The following DOT1L variants were observed in gnomAD, a reference collection of about 807,000 sequenced individuals.
The protein encoded by DOT1L is histone-lysine N-methyltransferase, H3 lysine-79 specific.
Under a neutral mutation model 153.3 loss-of-function variants are expected in DOT1L, and 33 were observed. That is an observed-to-expected ratio of 0.22 (90% CI 0.16 to 0.29). The LOEUF is 0.29. Ranked by LOEUF, DOT1L falls within the 10% of genes least tolerant of loss-of-function variation. The probability of loss-of-function intolerance (pLI) is 1.00; values close to 1 mark genes in which losing one functional copy is unlikely to be tolerated. For missense variants in DOT1L, 1,847 were observed against 2,119.9 expected (o/e 0.87, Z 2.53); for synonymous variants, 1,135 against 965.1 (o/e 1.18, Z -3.26).
At chr19:2,183,818 G>A (rs1329696522) in intron 2 of DOT1L, among the ~76,000 whole-genome samples, 2 of 151,894 alleles carry the variant, frequency 1.3e-5, no homozygotes, top group African/African-American at 2.4e-5. Context: ...GTAGAGACAG[G>A]GTTTCACCAT....
At position 2,220,577 on chromosome 19, in the gene DOT1L, T is replaced by G; in HGVS notation, c.2806+355T>G. On this transcript the variant is annotated intron_variant, in intron 23 of 27. Transcript: ENST00000398665. This position sits in a 1 kb window ranked among gnomAD's most constrained non-coding sequence, Gnocchi z 4.5. ...CGGCTCCACACACAGCAGTGCCCAA[T>G]GGCACACGACCGTGGGCCTCCGTGC... 3.0e-5 allele frequency: 14 copies of G among 462,198 alleles called. No homozygotes were observed. The highest frequency in any genetic ancestry group is 4.8e-5 in the Non-Finnish European group (11 of 230,372). The allele number at this position is 462,198 out of a possible 1,614,324, so 28.6% of individuals were successfully genotyped here. A position where few individuals can be genotyped will look rare whatever the true frequency, so the allele number is the denominator to read the frequency against.
chr19:2,216,868 G>C (rs1320427270), intron 20 of DOT1L, 87 bp from the exon 21 acceptor site: 2 of 1,560,072 alleles, frequency 1.3e-6, no homozygotes, highest in African/African-American at 2.7e-5. Context: ...TTGTTGAGGA[G>C]ACTGAGGTGG....
chr19:2,228,546 A>C lies in DOT1L; in HGVS notation c.4607-1239A>C, dbSNP rs2024467230. The C allele has an allele frequency of 2.2e-5, 22 of 985,386 alleles. No individual in the cohort carries two copies. In the South Asian group the frequency reaches 1.0e-3, roughly 46 times the overall value. 61.0% of individuals were successfully genotyped at this position (985,386 alleles called of 1,614,324 possible). On this transcript the variant is annotated intron_variant, in intron 27 of 27. Transcript: ENST00000398665. ...AGATGGTCGCGAGAGGAGGGACTAC[A>C]GGACGGGCACCAGCCATGGAGTGGC...
intron 1 of DOT1L, among the ~76,000 whole-genome samples, chr19:2,171,086 C>T (rs2021595206): frequency 6.6e-6 from 1 of 152,218 alleles, no homozygotes; most frequent in Admixed American, 6.5e-5. Flanking sequence ...CTTCAGCCTC[C>T]TGAGTAGCTG....
intron 19 of DOT1L, 168 bp downstream of exon 19, chr19:2,214,764 C>A: frequency 1.9e-6 from 2 of 1,047,584 alleles, no homozygotes; most frequent in Non-Finnish European, 2.6e-6. Flanking sequence ...CCGCAGGCTG[C>A]CCGTGTGGAT....
rs2144620004 is a variant in DOT1L, at chr19:2,164,183, A to G, written c.-2A>G. On this transcript the variant is annotated 5_prime_UTR_variant, in exon 1 of 28. Transcript: ENST00000398665. ...CATGGTGCGGCGGCCGCGCGCGCGGACATGGGGGAGAAGCTGGAGCTGAGA... is the reference window on the plus strand; with the variant it reads ...CATGGTGCGGCGGCCGCGCGCGCGGGCATGGGGGAGAAGCTGGAGCTGAGA... 1 of 1,125,866 alleles carries G rather than the reference A, an allele frequency of 8.9e-7. No homozygotes were observed. Among genetic ancestry groups the G allele is most frequent in the Non-Finnish European group, 1.1e-6 (1 of 920,740 alleles). The allele number at this position is 1,125,866 out of a possible 1,614,324, so 69.7% of individuals were successfully genotyped here. A position where few individuals can be genotyped will look rare whatever the true frequency, so the allele number is the denominator to read the frequency against.
Position 2,190,912 on chromosome 19 carries a change from C to G in DOT1L, c.265-100C>G, listed in dbSNP as rs1245663023. 9 of 1,174,162 alleles carry G rather than the reference C, an allele frequency of 7.7e-6. No homozygotes were observed. The highest frequency in any genetic ancestry group is 1.1e-5 in the Non-Finnish European group (9 of 836,606). 72.7% of individuals were successfully genotyped at this position (1,174,162 alleles called of 1,614,324 possible). A position where few individuals can be genotyped will look rare whatever the true frequency, so the allele number is the denominator to read the frequency against. ...TGCAGGGGGACGAGAGGCCATGCAGCCGACTCCCTGCTTCCGCTGGGAAAG... is the reference window on the plus strand; with the variant it reads ...TGCAGGGGGACGAGAGGCCATGCAGGCGACTCCCTGCTTCCGCTGGGAAAG... On this transcript the variant is annotated intron_variant, in intron 4 of 27. Transcript: ENST00000398665. This position sits in a 1 kb window ranked among gnomAD's most constrained non-coding sequence, Gnocchi z 4.8.
chr19:2,198,653 C>T (rs950148241), intron 7 of DOT1L, among the ~76,000 whole-genome samples: 3 of 152,176 alleles, frequency 2.0e-5, no homozygotes, highest in Non-Finnish European at 4.4e-5. Context: ...AAAGGAGTGT[C>T]GCTGGTCCTC....
intron 3 of DOT1L, among the ~76,000 whole-genome samples, chr19:2,188,035 A>G (rs1202483916): frequency 1.3e-5 from 2 of 151,658 alleles, no homozygotes; most frequent in Non-Finnish European, 2.9e-5. Context: ...TCCGGCCCGC[A>G]TGGTGCCTGC....
In DOT1L at chr19:2,208,803, G is replaced by A; in HGVS notation, c.964-132G>A. The A allele has an allele frequency of 2.2e-6, 2 of 908,034 alleles. No homozygotes were observed. Among genetic ancestry groups the A allele is most frequent in the Non-Finnish European group, 3.4e-6 (2 of 583,824 alleles). The allele number at this position is 908,034 out of a possible 1,614,324, so 56.2% of individuals were successfully genotyped here. A position where few individuals can be genotyped will look rare whatever the true frequency, so the allele number is the denominator to read the frequency against. ...TGCCACTGGGGGGCTCTAGCTGCAT[G>A]CCTGCTGTCCCCAGATACCAGAACA... On this transcript the variant is annotated intron_variant, in intron 11 of 27. Coordinates refer to ENST00000398665, the MANE Select transcript of DOT1L (RefSeq NM_032482.3). This position sits in a 1 kb window ranked among gnomAD's most constrained non-coding sequence, Gnocchi z 4.4.
At chr19:2,228,820 G>A (rs952487661) in intron 27 of DOT1L, 2 of 985,320 alleles carry the variant, frequency 2.0e-6, no homozygotes, top group African/African-American at 1.7e-5. Flanking sequence ...CAGGCACGGT[G>A]CCGGCTGCAG....
In DOT1L at chr19:2,229,691, G is replaced by C. The variant is rs1006692053; in HGVS notation, c.4607-94G>C. 8 of 1,606,618 alleles carry C rather than the reference G, an allele frequency of 5.0e-6. No individual in the cohort carries two copies. The African/African-American group carries it at 8.0e-5, about 16-fold the overall frequency. On this transcript the variant is annotated intron_variant, in intron 27 of 27. Transcript: ENST00000398665. ...CTGGCCCCAGGTGGCGTGTGTGCTC[G>C]TGGGAGGCCTCGGTCCCCAGCCTGG...
Position 2,211,111 on chromosome 19 carries a change from C to A in DOT1L, c.1364C>A (p.Ser455Tyr), listed in dbSNP as rs1237314658. Residue 455 changes from serine (S) to tyrosine (Y), a missense_variant, in exon 15 of 28, where the codon TCC becomes TAC. Ser to Tyr is a moderately radical substitution (Grantham distance 144). Coordinates refer to ENST00000398665, the MANE Select transcript of DOT1L (RefSeq NM_032482.3). ...TCCGCTCTCCCAGATGCCTACAGAT[C>A]CCCTCACAGCCCGTTCTACCAGCTA... ...AASSPQDAYR[S>Y]PHSPFYQLPP... is the part of the protein sequence containing the mutation. The A allele has an allele frequency of 6.2e-7, 1 of 1,612,772 alleles. No individual in the cohort carries two copies.
At chr19:2,198,553 G>A (rs2023114031) in intron 7 of DOT1L, among the ~76,000 whole-genome samples, 1 of 152,202 alleles carries the variant, frequency 6.6e-6, no homozygotes, top group Non-Finnish European at 1.5e-5. Flanking sequence ...TTGGGGCGGC[G>A]GCTTGCTTGC....
chr19:2,170,574 G>A (rs1163554638), intron 1 of DOT1L, among the ~76,000 whole-genome samples: 2 of 152,186 alleles, frequency 1.3e-5, no homozygotes, highest in East Asian at 3.9e-4. Flanking sequence ...CTCGACACAG[G>A]CTCAGATCCC....
chr19:2,181,597 A>G (rs2022234371), intron 2 of DOT1L, among the ~76,000 whole-genome samples: 1 of 151,814 alleles, frequency 6.6e-6, no homozygotes, highest in Non-Finnish European at 1.5e-5. Flanking sequence ...GGCCTGACCC[A>G]GGGTCCGTGC....
intron 27 of DOT1L, chr19:2,227,399 T>A (rs1422030654): frequency 1.5e-6 from 1 of 683,236 alleles, no homozygotes; most frequent in Non-Finnish European, 2.7e-6. Context: ...AGCATTACTT[T>A]CTCCCGTGGA....
At chr19:2,214,730 G>C (rs2023837236) in intron 19 of DOT1L, 134 bp downstream of exon 19, 1 of 1,352,848 alleles carries the variant, frequency 7.4e-7, no homozygotes, top group Non-Finnish European at 9.9e-7. Flanking sequence ...TTGGGTGGAG[G>C]CTTATGGAAC....
chr19:2,230,976 C>T lies in DOT1L; in HGVS notation c.*1184C>T, dbSNP rs2024572576. ...GCCAGGGTGCACTGCTGAAACCTGG[C>T]CTCTCTGGCCCTAGGCCCCAGGGTG... On this transcript the variant is annotated 3_prime_UTR_variant, in exon 28 of 28. Transcript: ENST00000398665. The T allele has an allele frequency of 4.0e-6, 1 of 249,352 alleles. No individual in the cohort carries two copies. Among genetic ancestry groups the T allele is most frequent in the East Asian group, 5.9e-5 (1 of 17,048 alleles). The allele number at this position is 249,352 out of a possible 1,614,324, so 15.4% of individuals were successfully genotyped here. A position where few individuals can be genotyped will look rare whatever the true frequency, so the allele number is the denominator to read the frequency against.
Sources: gnomAD v4.1 joint callset for allele counts (sites outside exome capture counted in the v4.1 genomes callset) on GRCh38, gnomAD v4.1.1 for gene constraint, Gnocchi (gnomAD v3.1) non-coding constraint, MANE v1.5 for transcripts, NCBI Gene and HGNC (gene_info 2026-07-23, HGNC 2026-07-21) for gene names.